DZANK1: variants seen among roughly 807,000 people sequenced by gnomAD.
DZANK1 encodes the protein double zinc ribbon and ankyrin repeat-containing protein 1.
In DZANK1, 91 loss-of-function variants were observed where a neutral mutation model predicts 94.5. The observed-to-expected ratio is 0.96, with a 90% CI of 0.81 to 1.15. The LOEUF is 1.15. Ranked by LOEUF, DZANK1 falls within the 50% of genes most tolerant of loss-of-function variation. The probability of loss-of-function intolerance (pLI) is 0.00; values close to 1 mark genes in which losing one functional copy is unlikely to be tolerated. For missense variants in DZANK1, 903 were observed against 916.4 expected (o/e 0.99, Z 0.19); for synonymous variants, 312 against 325.3 (o/e 0.96, Z 0.44).
intron 20 of DZANK1, 148 bp from the exon 21 acceptor site, chr20:18,384,712 A>G (rs2048380227): frequency 2.3e-6 from 2 of 852,520 alleles, no homozygotes; most frequent in South Asian, 1.9e-5. Context: ...CAGTGACTTC[A>G]GTTCTCAGAG....
At position 18,465,019 on chromosome 20, in the gene DZANK1, C is replaced by A. The variant is rs145738964; in HGVS notation, c.109+231G>T. Among the ~76,000 whole-genome samples the A allele has an allele frequency of 3.1e-3, 475 of 152,198 alleles. 1 individual carries two copies. The highest frequency in any genetic ancestry group is 0.01 in the Middle Eastern group (3 of 294). On this transcript the variant is annotated intron_variant, in intron 2 of 20. Coordinates refer to ENST00000262547, the Ensembl canonical transcript of DZANK1. The stretch of plus-strand genomic sequence containing the variant: ...TTGGCTAAGGTAAGTCAAGACATTG[C>A]TGAAACTATACAAATGAAAGGTTGG...
At chr20:18,460,715 C>T (rs1462969869) in intron 2 of DZANK1, among the ~76,000 whole-genome samples, 4 of 150,106 alleles carry the variant, frequency 2.7e-5, no homozygotes, top group African/African-American at 4.9e-5. Context: ...GGCAACAGAG[C>T]GAGACTCCGT....
rs1195901619 is a variant in DZANK1 at position 18,414,253 on chromosome 20, G to A, written c.1242+95C>T. The A allele has an allele frequency of 2.1e-6, 3 of 1,429,688 alleles. No individual in the cohort carries two copies. The South Asian group carries it at 4.5e-5, about 21-fold the overall frequency. 88.6% of individuals were successfully genotyped at this position (1,429,688 alleles called of 1,614,324 possible). A position where few individuals can be genotyped will look rare whatever the true frequency, so the allele number is the denominator to read the frequency against. On this transcript the variant is annotated intron_variant, in intron 12 of 20. Transcript: ENST00000262547. ...CATGTGAAAGTTCTAAAAGTTTTGG[G>A]TCTCTTCCCCGGGTTGATTCACAGG...
intron 19 of DZANK1, among the ~76,000 whole-genome samples, chr20:18,386,090 G>A (rs1393353051): frequency 2.6e-5 from 4 of 152,138 alleles, no homozygotes; most frequent in Non-Finnish European, 4.4e-5. Context: ...TTCCTTTGAC[G>A]CCATCACCCT....
chr20:18,388,082 G>A (rs1172351972), intron 19 of DZANK1, among the ~76,000 whole-genome samples: 3 of 152,156 alleles, frequency 2.0e-5, no homozygotes, highest in African/African-American at 7.2e-5. Flanking sequence ...ACCAGACTTG[G>A]CAGAATGTGG....
chr20:18,438,734 A>T (rs932395277), intron 8 of DZANK1, among the ~76,000 whole-genome samples: 2 of 152,234 alleles, frequency 1.3e-5, no homozygotes, highest in African/African-American at 4.8e-5. Flanking sequence ...TTTATTTCTC[A>T]GAGTTTTGGA....
intron 19 of DZANK1, 38 bp downstream of exon 19, chr20:18,389,663 C>T: frequency 2.5e-6 from 4 of 1,610,700 alleles, no homozygotes; most frequent in Non-Finnish European, 3.4e-6. Context: ...AGTCAGCCTG[C>T]TGCTACCTTA....
At chr20:18,400,923 C>T (rs2056639872) in intron 13 of DZANK1, among the ~76,000 whole-genome samples, 1 of 151,930 alleles carries the variant, frequency 6.6e-6, no homozygotes, top group Non-Finnish European at 1.5e-5. Flanking sequence ...TGAGAAGCTA[C>T]AATACAATAG....
intron 8 of DZANK1, among the ~76,000 whole-genome samples, chr20:18,443,071 A>G (rs1029984335): frequency 6.6e-6 from 1 of 152,224 alleles, no homozygotes; most frequent in Non-Finnish European, 1.5e-5. Flanking sequence ...GAGCTATCAA[A>G]TGAGTAGGAA....
chr20:18,465,352 C>T (rs2059607961), exon 2 of DZANK1: 1 of 1,586,746 alleles, frequency 6.3e-7, no homozygotes, highest in South Asian at 1.1e-5. Flanking sequence ...ACTGAACCAG[C>T]AGTCATTTTC....
chr20:18,412,014 C>T (rs766310706), intron 13 of DZANK1, among the ~76,000 whole-genome samples: 1 of 152,162 alleles, frequency 6.6e-6, no homozygotes, highest in Admixed American at 6.5e-5. Flanking sequence ...TTCATGAGGG[C>T]TCCATCCTCA....
At chr20:18,462,118 T>C (rs2059492979) in intron 2 of DZANK1, among the ~76,000 whole-genome samples, 1 of 152,172 alleles carries the variant, frequency 6.6e-6, no homozygotes, top group Admixed American at 6.5e-5. Context: ...TAAAACTCAC[T>C]AATTCATTAC....
chr20:18,434,592 G>T (rs1414828470), intron 8 of DZANK1, among the ~76,000 whole-genome samples: 1 of 149,120 alleles, frequency 6.7e-6, no homozygotes, highest in East Asian at 1.9e-4. Flanking sequence ...AGATACTGCT[G>T]TCAAAAAGCA....
intron 14 of DZANK1, among the ~76,000 whole-genome samples, chr20:18,398,099 T>C (rs1407821188): frequency 6.6e-6 from 1 of 152,182 alleles, no homozygotes; most frequent in Non-Finnish European, 1.5e-5. Context: ...CCCTTGCAGG[T>C]TTGCTGTGAA....
intron 13 of DZANK1, among the ~76,000 whole-genome samples, chr20:18,409,351 C>A (rs1159398782): frequency 6.6e-6 from 1 of 152,094 alleles, no homozygotes; most frequent in Non-Finnish European, 1.5e-5. Context: ...AACAGCAGAA[C>A]TCTCATCAGA....
Position 18,403,658 on chromosome 20 carries a change from A to T in DZANK1, c.1433-5032T>A, listed in dbSNP as rs1420245303. 2.0e-5 allele frequency among the ~76,000 whole-genome samples: 3 copies of T among 152,228 alleles called. No individual in the cohort carries two copies. The East Asian group carries it at 5.8e-4, about 29-fold the overall frequency. On this transcript the variant is annotated intron_variant, in intron 13 of 20. Coordinates refer to ENST00000262547, the Ensembl canonical transcript of DZANK1. ...CAGCTAAGAAGAGCCCTCCTGAGGT[A>T]AGAAAAATATTCAAACACTGACCTA... is the stretch of plus-strand genomic sequence containing the variant.
intron 13 of DZANK1, among the ~76,000 whole-genome samples, chr20:18,410,921 A>G (rs559002327): frequency 6.6e-6 from 1 of 152,338 alleles, no homozygotes; most frequent in South Asian, 2.1e-4. Context: ...ACCGCACTCC[A>G]GCCTGGGTGA....
At chr20:18,429,500 C>T (rs972699629) in intron 9 of DZANK1, among the ~76,000 whole-genome samples, 8 of 152,196 alleles carry the variant, frequency 5.3e-5, no homozygotes, top group African/African-American at 1.4e-4. Context: ...CTCGTATACC[C>T]TGTCCCACGC....
chr20:18,433,731 G>A (rs2058384843), exon 9 of DZANK1: 1 of 1,613,902 alleles, frequency 6.2e-7, no homozygotes, highest in Non-Finnish European at 8.5e-7. Flanking sequence ...AGTGTTCATG[G>A]GTACCAAGCT....
Sources: gnomAD v4.1 joint callset for allele counts (sites outside exome capture counted in the v4.1 genomes callset) on GRCh38, gnomAD v4.1.1 for gene constraint, MANE v1.5 for transcripts, NCBI Gene and HGNC (gene_info 2026-07-23, HGNC 2026-07-21) for gene names.